Variants in CPAMD8 observed in about 807,000 individuals in gnomAD.
The protein encoded by CPAMD8 is C3 and PZP like alpha-2-macroglobulin domain containing 8.
CPAMD8 carries 146 observed loss-of-function variants against 224.7 expected under a neutral mutation model. That is an observed-to-expected ratio of 0.65 (90% CI 0.57 to 0.75). CPAMD8 has a LOEUF of 0.75. Ranked by LOEUF, CPAMD8 falls within the 30% of genes least tolerant of loss-of-function variation. The pLI is 0.00. For synonymous variants in CPAMD8, 966 were observed against 1,044.6 expected (o/e 0.92, Z 1.45); for missense variants, 2,301 against 2,537.5 (o/e 0.91, Z 2.00).
At chr19:16,914,539 A>T in intron 28 of CPAMD8, 41 bp from the exon 29 acceptor site, 1 of 1,610,996 alleles carries the variant, frequency 6.2e-7, no homozygotes, top group Middle Eastern at 1.6e-4. Flanking sequence ...GCCAAAGGAG[A>T]CAGTCCACTT....
At chr19:16,976,743 T>C (rs1053040921) in intron 15 of CPAMD8, among the ~76,000 whole-genome samples, 2 of 151,746 alleles carry the variant, frequency 1.3e-5, no homozygotes, top group Non-Finnish European at 2.9e-5. Flanking sequence ...GCAGTTTGTT[T>C]ACAAGTTGCA....
intron 22 of CPAMD8, among the ~76,000 whole-genome samples, chr19:16,939,436 T>C (rs1217183412): frequency 2.0e-5 from 3 of 152,094 alleles, no homozygotes; most frequent in Non-Finnish European, 2.9e-5. Flanking sequence ...CTCAAGCTCC[T>C]GACCTCAAGC....
At chr19:16,932,096 TA>T (rs893535974) in intron 23 of CPAMD8, among the ~76,000 whole-genome samples, 3,606 of 146,976 alleles carry the variant, frequency 0.025, 149 homozygotes, top group African/African-American at 0.083. Flanking sequence ...CAGATTCCAG[TA>T]AAAAAAAAAA....
chr19:16,938,532 A>G, intron 22 of CPAMD8, 86 bp from the exon 23 acceptor site: 1 of 719,334 alleles, frequency 1.4e-6, no homozygotes, highest in Non-Finnish European at 2.4e-6. Flanking sequence ...TCCCACAGCA[A>G]TGACTTCAAG....
At chr19:16,957,359 C>T (rs1055248180) in intron 19 of CPAMD8, among the ~76,000 whole-genome samples, 15 of 152,194 alleles carry the variant, frequency 9.9e-5, no homozygotes, top group African/African-American at 2.7e-4. Context: ...TGCTCTAACG[C>T]TGAGCATTGC....
intron 6 of CPAMD8, 63 bp from the exon 7 acceptor site, chr19:17,008,622 A>G (rs568360689): frequency 2.1e-5 from 33 of 1,551,656 alleles, no homozygotes; most frequent in Middle Eastern, 1.7e-4. Context: ...CATGTGCCCA[A>G]TGTAAGGATT....
At chr19:17,021,341 A>C (rs1220104245) in intron 2 of CPAMD8, among the ~76,000 whole-genome samples, 1 of 152,178 alleles carries the variant, frequency 6.6e-6, no homozygotes, top group Non-Finnish European at 1.5e-5. Flanking sequence ...TAGGACTAGA[A>C]GGGCTTCTAG....
rs916794624 is a variant in CPAMD8 at position 17,026,727 on chromosome 19, C to A, written c.-85G>T. 9.4e-5 allele frequency: 114 copies of A among 1,218,698 alleles called. No individual in the cohort carries two copies. The African/African-American group carries it at 1.2e-3, about 13-fold the overall frequency. The allele number at this position is 1,218,698 out of a possible 1,614,324, so 75.5% of individuals were successfully genotyped here. On this transcript the variant is annotated 5_prime_UTR_variant, in exon 1 of 42. Coordinates refer to ENST00000443236, the MANE Select transcript of CPAMD8 (RefSeq NM_015692.5). ...GCCAGGGTCCGAGCGCGGCCGTCCT[C>A]GCGCCGCCGCCGGGGGCCCTTTGTT... is the stretch of plus-strand genomic sequence containing the variant.
intron 19 of CPAMD8, among the ~76,000 whole-genome samples, chr19:16,952,531 G>C (rs1164247519): frequency 6.6e-6 from 1 of 152,096 alleles, no homozygotes; most frequent in African/African-American, 2.4e-5. Flanking sequence ...TTAAAAATTA[G>C]GTGGGTATAG....
At chr19:16,931,755 C>G (rs142460025) in intron 23 of CPAMD8, among the ~76,000 whole-genome samples, 224 of 152,282 alleles carry the variant, frequency 1.5e-3, no homozygotes, top group African/African-American at 4.8e-3. Context: ...TTCCCCATCC[C>G]CAGCAAAACT....
chr19:16,920,663 C>G (rs1421585986), intron 27 of CPAMD8, among the ~76,000 whole-genome samples: 2 of 152,084 alleles, frequency 1.3e-5, no homozygotes, highest in South Asian at 2.1e-4. Flanking sequence ...TGAGACCAGC[C>G]TGGCCAACAT....
rs1489783797 is a variant in CPAMD8 at position 17,003,171 on chromosome 19, G to T, written c.674-821C>A. ...ACCCACCTCAGCCTCCCAAAGTGCT[G>T]GGATTACAGACGTTAGCTGCCATGC... On this transcript the variant is annotated intron_variant, in intron 8 of 41. Coordinates refer to ENST00000443236, the MANE Select transcript of CPAMD8 (RefSeq NM_015692.5). 2.0e-5 allele frequency among the ~76,000 whole-genome samples: 3 copies of T among 151,842 alleles called. No homozygotes were observed. The South Asian group carries it at 6.2e-4, about 32-fold the overall frequency.
intron 7 of CPAMD8, 28 bp downstream of exon 7, chr19:17,008,477 C>T (rs2056553077): frequency 1.2e-6 from 2 of 1,611,762 alleles, no homozygotes; most frequent in Non-Finnish European, 1.7e-6. Context: ...ACATCTGCAG[C>T]CCCCAAGCCG....
chr19:16,994,742 A>G (rs2056072704), intron 11 of CPAMD8, among the ~76,000 whole-genome samples: 1 of 151,462 alleles, frequency 6.6e-6, no homozygotes, highest in African/African-American at 2.4e-5. Context: ...CTGGTCTCAA[A>G]CTCCCAGTCT....
chr19:16,997,016 T>C (rs2056148298), intron 11 of CPAMD8, 95 bp downstream of exon 11: 1 of 796,378 alleles, frequency 1.3e-6, no homozygotes, highest in Non-Finnish European at 2.2e-6. Flanking sequence ...AGGGGATCCG[T>C]TTTCAGCTGA....
intron 25 of CPAMD8, among the ~76,000 whole-genome samples, chr19:16,926,167 T>A (rs2053351130): frequency 6.6e-6 from 1 of 151,990 alleles, no homozygotes; most frequent in African/African-American, 2.4e-5. Context: ...TTTTTCAGTT[T>A]TCTCTCTTTA....
At chr19:16,987,273 A>G (rs2055778377) in intron 13 of CPAMD8, among the ~76,000 whole-genome samples, 1 of 148,654 alleles carries the variant, frequency 6.7e-6, no homozygotes, top group African/African-American at 2.5e-5. Context: ...ATATATGCAC[A>G]TATATACAGT....
At chr19:16,987,350 C>T (rs1350213088) in intron 13 of CPAMD8, among the ~76,000 whole-genome samples, 1 of 151,300 alleles carries the variant, frequency 6.6e-6, no homozygotes, top group Admixed American at 6.6e-5. Context: ...TCCACCTCTG[C>T]CCAAGCAAGA....
intron 8 of CPAMD8, among the ~76,000 whole-genome samples, chr19:17,003,399 T>C (rs1235450842): frequency 6.6e-6 from 1 of 151,818 alleles, no homozygotes; most frequent in East Asian, 2.0e-4. Flanking sequence ...ACAGGGACTA[T>C]GTTGTCCAGG....
Sources: allele counts gnomAD v4.1 joint callset (sites outside exome capture counted in the v4.1 genomes callset), GRCh38; gene constraint gnomAD v4.1.1; transcripts MANE v1.5; gene names NCBI Gene and HGNC (gene_info 2026-07-23, HGNC 2026-07-21).